The following CDYL variants were observed in gnomAD, a reference collection of about 807,000 sequenced individuals.
CDYL encodes the protein chromodomain Y-like protein.
In CDYL, 8 loss-of-function variants were observed where a neutral mutation model predicts 47.3. The ratio of observed to expected loss-of-function variants is 0.17; its 90% CI spans 0.10 to 0.31. The LOEUF is 0.31. Among genes scored for constraint, CDYL ranks in the 10% least tolerant of loss-of-function variants. The probability of loss-of-function intolerance (pLI) is 1.00; values close to 1 mark genes in which losing one functional copy is unlikely to be tolerated. For missense variants in CDYL, 471 were observed against 701.4 expected (o/e 0.67, Z 3.71); for synonymous variants, 266 against 265.0 (o/e 1.00, Z -0.04).
chr6:4,709,940 G>T (rs937319477), intron 1 of CDYL, among the ~76,000 whole-genome samples: 2 of 151,900 alleles, frequency 1.3e-5, no homozygotes, highest in Admixed American at 6.6e-5. Flanking sequence ...CATCTCTTTG[G>T]CCAGGCACGG....
chr6:4,935,311 G>A (rs2127519559), intron 2 of CDYL, among the ~76,000 whole-genome samples: 1 of 152,292 alleles, frequency 6.6e-6, no homozygotes, highest in South Asian at 2.1e-4. Flanking sequence ...TGAAACAAAA[G>A]AGTGACTTTC....
chr6:4,724,011 G>A (rs999970543), intron 2 of CDYL, among the ~76,000 whole-genome samples: 1 of 152,196 alleles, frequency 6.6e-6, no homozygotes, highest in Admixed American at 6.5e-5. Context: ...CCACATACCT[G>A]TGCTAGTTTG....
At chr6:4,770,195 G>A (rs1439943052) in intron 3 of CDYL, among the ~76,000 whole-genome samples, 2 of 152,030 alleles carry the variant, frequency 1.3e-5, no homozygotes, top group Non-Finnish European at 2.9e-5. Flanking sequence ...TGCCAGCTAC[G>A]TGAGAGCAGG....
At chr6:4,860,750 T>TC (rs1275145414) in intron 1 of CDYL, among the ~76,000 whole-genome samples, 1 of 151,650 alleles carries the variant, frequency 6.6e-6, no homozygotes, top group African/African-American at 2.4e-5. Flanking sequence ...CCATTCTGAG[T>TC]CCCCAAACTG....
intron 2 of CDYL, among the ~76,000 whole-genome samples, chr6:4,726,018 C>T (rs1328292833): frequency 1.3e-5 from 2 of 151,962 alleles, no homozygotes; most frequent in Non-Finnish European, 2.9e-5. Flanking sequence ...CTGAAATTTA[C>T]AGGAGGAACA....
At chr6:4,759,878 T>A (rs1451505388) in intron 3 of CDYL, among the ~76,000 whole-genome samples, 1 of 3,512 alleles carries the variant, frequency 2.8e-4, no homozygotes, top group Non-Finnish European at 8.1e-4. Flanking sequence ...AAACTCCATC[T>A]CAAAAAAAAA....
In CDYL at chr6:4,891,811, G is replaced by C; in HGVS notation, c.123G>C (p.Pro41=). Residue 41 remains proline (P), a synonymous_variant, in exon 2 of 7, where the codon CCG becomes CCC. Transcript: ENST00000397588. ...GYDSEDDTWE[P]EQHLVNCEEY... ...ACAGCGAGGACGACACTTGGGAGCC[G>C]GAACAGCACCTCGTGAACTGTGAGG... is the stretch of plus-strand genomic sequence containing the variant. 1 of 1,614,126 alleles carries C rather than the reference G, an allele frequency of 6.2e-7. No homozygotes were observed. The highest frequency in any genetic ancestry group is 1.1e-5 in the South Asian group (1 of 91,076).
chr6:4,725,868 A>C (rs1475521000), intron 2 of CDYL, among the ~76,000 whole-genome samples: 1 of 152,118 alleles, frequency 6.6e-6, no homozygotes. Context: ...GTCACCTCTC[A>C]CTCTTATCAA....
intron 1 of CDYL, among the ~76,000 whole-genome samples, chr6:4,789,331 C>T (rs979283569): frequency 1.3e-5 from 2 of 152,192 alleles, no homozygotes; most frequent in Non-Finnish European, 2.9e-5. Flanking sequence ...TCCTTAGCCT[C>T]CCAAGGTGCT....
In CDYL at chr6:4,762,586, GAAC is replaced by G. The variant is rs531284598; in HGVS notation, c.186+27754_186+27756del. ...CAACAAGATTAAGAATTTCAACCAA[GAAC>G]AACAACAACAAAAACTCAATAACAA... On this transcript the variant is annotated intron_variant, in intron 3 of 8. Coordinates refer to the CDYL transcript ENST00000328908. Among the ~76,000 whole-genome samples, 257 of 77,474 alleles carry G rather than the reference GAAC, an allele frequency of 3.3e-3. 1 individual carries two copies. The highest frequency in any genetic ancestry group is 0.012 in the African/African-American group (236 of 20,118). 50.8% of individuals were successfully genotyped at this position (77,474 alleles called of 152,430 possible).
intron 3 of CDYL, among the ~76,000 whole-genome samples, chr6:4,745,456 G>A (rs1757876078): frequency 6.6e-6 from 1 of 152,050 alleles, no homozygotes; most frequent in Non-Finnish European, 1.5e-5. Context: ...CTTAGTGTTG[G>A]CCGGGCTCGG....
chr6:4,897,793 T>TTGTTTTTTTG (rs1286777754), intron 2 of CDYL, among the ~76,000 whole-genome samples: 5 of 145,086 alleles, frequency 3.4e-5, no homozygotes, highest in East Asian at 2.0e-4. Context: ...GGTTTTTGTT[T>TTGTTTTTTTG]TTTTTTTTTA....
At chr6:4,907,372 T>C (rs569388749) in intron 2 of CDYL, among the ~76,000 whole-genome samples, 1 of 152,332 alleles carries the variant, frequency 6.6e-6, no homozygotes, top group East Asian at 1.9e-4. Flanking sequence ...TCTTTTTTTC[T>C]GAGACAGGGT....
At chr6:4,869,457 ATT>A (rs1761413769) in intron 1 of CDYL, among the ~76,000 whole-genome samples, 1 of 151,890 alleles carries the variant, frequency 6.6e-6, no homozygotes, top group African/African-American at 2.4e-5. Flanking sequence ...TAATGTAGTT[ATT>A]GATATGGTTG....
chr6:4,797,897 T>G (rs888002351), intron 1 of CDYL, among the ~76,000 whole-genome samples: 6 of 152,208 alleles, frequency 3.9e-5, no homozygotes, highest in Non-Finnish European at 8.8e-5. Flanking sequence ...ATGTAGAAGT[T>G]TTAGTATGAA....
chr6:4,734,827 C>T lies in CDYL; in HGVS notation c.169C>T (p.Gln57Ter). The T allele has an allele frequency of 1.2e-6, 2 of 1,614,152 alleles. No individual in the cohort carries two copies. The highest frequency in any genetic ancestry group is 2.2e-5 in the East Asian group (1 of 44,870). ...GAGCAGTGAGCAAAGCGGGGCACAG[C>T]AGCCTCCCGCTTTACAGGTAGGTCT... Residue 57 changes from glutamine (Q) to a stop codon, truncating the protein, a stop_gained, in exon 3 of 9, where the codon CAG becomes TAG. Transcript: ENST00000328908. LOFTEE classifies it high-confidence loss of function.
intron 1 of CDYL, among the ~76,000 whole-genome samples, chr6:4,822,429 C>T (rs1412514868): frequency 6.6e-6 from 1 of 152,114 alleles, no homozygotes; most frequent in Non-Finnish European, 1.5e-5. Flanking sequence ...GGGAAAAAAT[C>T]AATGGTACCA....
chr6:4,799,691 G>A (rs1037588423), intron 1 of CDYL, among the ~76,000 whole-genome samples: 3 of 152,078 alleles, frequency 2.0e-5, no homozygotes, highest in Admixed American at 2.0e-4. Context: ...TGCCTTGCTC[G>A]GCTCCCAAAG....
At position 4,891,925 on chromosome 6, in the gene CDYL, T is replaced by C. The variant is rs1762054004; in HGVS notation, c.237T>C (p.Ala79=). Residue 79 remains alanine, a synonymous_variant, in exon 2 of 7, where the codon GCT becomes GCC. Coordinates refer to ENST00000397588, the MANE Select transcript of CDYL (RefSeq NM_004824.4). ...CAAACAGGACCTCTCCCAACAATGC[T>C]AGGAAACAAATCTCCAGATCCACCA... ...TRTNRTSPNN[A]RKQISRSTNS... The C allele has an allele frequency of 2.5e-6, 4 of 1,614,060 alleles. No homozygotes were observed. Among genetic ancestry groups the C allele is most frequent in the Non-Finnish European group, 2.5e-6 (3 of 1,180,012 alleles).
Sources: allele counts gnomAD v4.1 joint callset (sites outside exome capture counted in the v4.1 genomes callset), GRCh38; gene constraint gnomAD v4.1.1; transcripts MANE v1.5; gene names NCBI Gene and HGNC (gene_info 2026-07-23, HGNC 2026-07-21).